Variants in MAGI2 observed in about 807,000 individuals in gnomAD.
MAGI2 encodes membrane-associated guanylate kinase, WW and PDZ domain-containing protein 2.
In MAGI2, 35 loss-of-function variants were observed where a neutral mutation model predicts 133.3. That is an observed-to-expected ratio of 0.26 (90% CI 0.20 to 0.35). The LOEUF is 0.35. Among genes scored for constraint, MAGI2 ranks in the 10% least tolerant of loss-of-function variants. The pLI is 1.00. For synonymous variants in MAGI2, 729 were observed against 710.6 expected (o/e 1.03, Z -0.41); for missense variants, 1,636 against 1,863.4 (o/e 0.88, Z 2.25).
At chr7:78,318,260 A>C (rs1787633482) in intron 9 of MAGI2, among the ~76,000 whole-genome samples, 1 of 152,226 alleles carries the variant, frequency 6.6e-6, no homozygotes, top group African/African-American at 2.4e-5. Context: ...TAGAATAACC[A>C]GTTTAGAGAA....
At chr7:78,329,983 T>A (rs1324103012) in intron 9 of MAGI2, among the ~76,000 whole-genome samples, 1 of 151,098 alleles carries the variant, frequency 6.6e-6, no homozygotes, top group African/African-American at 2.5e-5. Context: ...CTTTAAATGT[T>A]CAATGCAGAA....
intron 2 of MAGI2, among the ~76,000 whole-genome samples, chr7:78,951,764 T>G (rs987529540): frequency 2.0e-5 from 3 of 152,202 alleles, no homozygotes; most frequent in Non-Finnish European, 4.4e-5. Flanking sequence ...CAGGTAGGCT[T>G]AAAATTTCTT....
At chr7:79,031,869 CA>C (rs1175600963) in intron 1 of MAGI2, among the ~76,000 whole-genome samples, 1 of 151,714 alleles carries the variant, frequency 6.6e-6, no homozygotes, top group African/African-American at 2.4e-5. Flanking sequence ...ATTTATCATC[CA>C]AATAATCATC....
chr7:79,179,289 C>A (rs1255227484), intron 1 of MAGI2, among the ~76,000 whole-genome samples: 2 of 151,820 alleles, frequency 1.3e-5, no homozygotes, highest in Non-Finnish European at 2.9e-5. Flanking sequence ...ATTCTATATA[C>A]TCTGTTGAAC....
At chr7:79,102,914 A>G (rs1462373435) in intron 1 of MAGI2, among the ~76,000 whole-genome samples, 1 of 152,202 alleles carries the variant, frequency 6.6e-6, no homozygotes, top group Non-Finnish European at 1.5e-5. Context: ...AGGTGATCCC[A>G]TATAATCTGG....
chr7:78,351,447 GA>G (rs932013078), intron 7 of MAGI2, among the ~76,000 whole-genome samples: 9 of 152,032 alleles, frequency 5.9e-5, no homozygotes, highest in Middle Eastern at 3.4e-3. Flanking sequence ...TATTAGGGAT[GA>G]AATGTGGGAG....
At chr7:78,146,240 C>G (rs1823298216) in intron 16 of MAGI2, among the ~76,000 whole-genome samples, 1 of 152,062 alleles carries the variant, frequency 6.6e-6, no homozygotes, top group Non-Finnish European at 1.5e-5. Flanking sequence ...TTAGATTTCT[C>G]TGCCCTGCTG....
intron 1 of MAGI2, among the ~76,000 whole-genome samples, chr7:79,108,130 G>A (rs1818593830): frequency 6.6e-6 from 1 of 152,178 alleles, no homozygotes; most frequent in Non-Finnish European, 1.5e-5. Context: ...AACATGAGCT[G>A]GAGGTGACCT....
intron 1 of MAGI2, among the ~76,000 whole-genome samples, chr7:79,127,262 C>A (rs553792596): frequency 1.3e-5 from 2 of 152,064 alleles, no homozygotes; most frequent in Non-Finnish European, 2.9e-5. Context: ...AATAAACATA[C>A]GTGTGCATGT....
intron 2 of MAGI2, among the ~76,000 whole-genome samples, chr7:79,003,757 G>A (rs1807136554): frequency 6.6e-6 from 1 of 152,018 alleles, no homozygotes; most frequent in South Asian, 2.1e-4. Flanking sequence ...ACCCAACTAA[G>A]AAATCAAATA....
chr7:78,093,303 TA>T (rs952873276), intron 20 of MAGI2, among the ~76,000 whole-genome samples: 8 of 148,952 alleles, frequency 5.4e-5, no homozygotes, highest in Middle Eastern at 3.5e-3. Context: ...ATTAAAAATG[TA>T]AAAAAAAATC....
chr7:78,162,535 AAC>A lies in MAGI2; in HGVS notation c.2597-2264_2597-2263del, dbSNP rs1342402510. On this transcript the variant is annotated intron_variant, in intron 15 of 21. Coordinates refer to ENST00000354212, the MANE Select transcript of MAGI2 (RefSeq NM_012301.4). The stretch of plus-strand genomic sequence containing the variant: ...GCGAGACTCTGCCTCAAAAAAAAAA[AAC>A]AAAAAACAAAAACGAAAGAAGAATT... Among the ~76,000 whole-genome samples, 6 of 122,480 alleles carry A rather than the reference AAC, an allele frequency of 4.9e-5. 1 individual carries two copies. The highest frequency in any genetic ancestry group is 3.7e-5 in the Non-Finnish European group (2 of 54,776). The allele number at this position is 122,480 out of a possible 152,430, so 80.4% of individuals were successfully genotyped here. A position where few individuals can be genotyped will look rare whatever the true frequency, so the allele number is the denominator to read the frequency against.
chr7:78,879,825 A>G (rs117192738), intron 2 of MAGI2, among the ~76,000 whole-genome samples: 3,808 of 152,204 alleles, frequency 0.025, 71 homozygotes, highest in Middle Eastern at 0.048. Context: ...GAAAATTAAC[A>G]AAAGGAAACT....
intron 21 of MAGI2, 50 bp downstream of exon 21, chr7:78,078,897 A>C (rs570212816): frequency 3.1e-6 from 5 of 1,611,226 alleles, no homozygotes; most frequent in Middle Eastern, 3.3e-4. Context: ...ATAAGCATTT[A>C]TGGTTCACAG....
intron 1 of MAGI2, among the ~76,000 whole-genome samples, chr7:79,363,980 A>G (rs1842527998): frequency 6.6e-6 from 1 of 152,034 alleles, no homozygotes; most frequent in African/African-American, 2.4e-5. Flanking sequence ...GCAAACAGGT[A>G]TATAAAAAAA....
intron 2 of MAGI2, among the ~76,000 whole-genome samples, chr7:78,889,403 G>A (rs1182601708): frequency 6.6e-6 from 1 of 152,144 alleles, no homozygotes; most frequent in East Asian, 1.9e-4. Context: ...TCCTCGAGAA[G>A]AGCAACTCCA....
intron 6 of MAGI2, among the ~76,000 whole-genome samples, chr7:78,458,136 A>T (rs1189791729): frequency 2.0e-5 from 3 of 151,860 alleles, no homozygotes; most frequent in Non-Finnish European, 2.9e-5. Context: ...TCTCTACTAA[A>T]AATACAGTAA....
intron 1 of MAGI2, among the ~76,000 whole-genome samples, chr7:79,108,763 G>A (rs1277014164): frequency 3.3e-5 from 5 of 152,212 alleles, no homozygotes; most frequent in East Asian, 3.8e-4. Flanking sequence ...GATCCCCAGT[G>A]TTGGAGGTGG....
chr7:78,285,086 T>C (rs1292191745), intron 9 of MAGI2, among the ~76,000 whole-genome samples: 3 of 152,128 alleles, frequency 2.0e-5, no homozygotes, highest in African/African-American at 7.2e-5. Context: ...AGACAGCTTT[T>C]ATGAGCCAGG....
Sources: gnomAD v4.1 joint callset for allele counts (sites outside exome capture counted in the v4.1 genomes callset) on GRCh38, gnomAD v4.1.1 for gene constraint, MANE v1.5 for transcripts, NCBI Gene and HGNC (gene_info 2026-07-23, HGNC 2026-07-21) for gene names.